Variants in USH2A observed in about 807,000 individuals in gnomAD.
USH2A encodes the protein usherin.
In USH2A, 443 loss-of-function variants were observed where a neutral mutation model predicts 538.9. The observed-to-expected ratio is 0.82, with a 90% CI of 0.76 to 0.89. The LOEUF is 0.89. USH2A is among the 40% of genes least tolerant of loss of function. The pLI, the probability that USH2A is intolerant of heterozygous loss-of-function variation, is 0.00. For missense variants in USH2A, 6,633 were observed against 6,324.8 expected (o/e 1.05, Z -1.65); for synonymous variants, 2,413 against 2,273.5 (o/e 1.06, Z -1.75).
chr1:215,724,531 C>T (rs889786726), intron 61 of USH2A, among the ~76,000 whole-genome samples: 7 of 151,950 alleles, frequency 4.6e-5, no homozygotes, highest in Non-Finnish European at 8.8e-5. Context: ...ATTATTTGTG[C>T]GACGGTTACA....
At chr1:216,412,811 G>A (rs4314947) in intron 3 of USH2A, among the ~76,000 whole-genome samples, 113,327 of 151,084 alleles carry the variant, frequency 0.75, 42,672 homozygotes, top group East Asian at 0.84. Flanking sequence ...GGTCAGAGAA[G>A]CTTGGGACTA....
At chr1:215,982,591 C>A (rs1044370415) in intron 35 of USH2A, among the ~76,000 whole-genome samples, 1 of 152,136 alleles carries the variant, frequency 6.6e-6, no homozygotes, top group African/African-American at 2.4e-5. Flanking sequence ...TGCAAAGAAA[C>A]AAGTATTTAC....
At chr1:216,369,327 C>T (rs1349664088) in intron 3 of USH2A, among the ~76,000 whole-genome samples, 1 of 152,072 alleles carries the variant, frequency 6.6e-6, no homozygotes, top group East Asian at 1.9e-4. Flanking sequence ...CCCACACATC[C>T]CATCCTATTG....
At chr1:216,264,348 A>G (rs988056048) in intron 11 of USH2A, among the ~76,000 whole-genome samples, 2 of 151,852 alleles carry the variant, frequency 1.3e-5, no homozygotes, top group Non-Finnish European at 2.9e-5. Context: ...CCCAGGCTGG[A>G]GTGCAATGGC....
At chr1:215,734,495 C>T (rs1447745568) in intron 60 of USH2A, among the ~76,000 whole-genome samples, 1 of 152,156 alleles carries the variant, frequency 6.6e-6, no homozygotes, top group African/African-American at 2.4e-5. Flanking sequence ...GTGGTCACTC[C>T]ACAGTCTGCT....
At chr1:216,100,753 A>C (rs1465851761) in intron 21 of USH2A, among the ~76,000 whole-genome samples, 1 of 152,222 alleles carries the variant, frequency 6.6e-6, no homozygotes, top group Non-Finnish European at 1.5e-5. Flanking sequence ...AATCTGATGA[A>C]TGAAAATAAA....
intron 11 of USH2A, among the ~76,000 whole-genome samples, chr1:216,261,997 A>G (rs1318422332): frequency 6.6e-6 from 1 of 152,128 alleles, no homozygotes; most frequent in Admixed American, 6.6e-5. Flanking sequence ...CAGAGACTAC[A>G]CTACTGTGCC....
At chr1:216,125,511 T>C (rs1395957758) in intron 21 of USH2A, among the ~76,000 whole-genome samples, 2 of 152,184 alleles carry the variant, frequency 1.3e-5, no homozygotes. Flanking sequence ...CATTGGATAG[T>C]GTGGAAGAGT....
chr1:216,349,667 C>T (rs1166469005), intron 4 of USH2A, among the ~76,000 whole-genome samples: 2 of 152,114 alleles, frequency 1.3e-5, no homozygotes, highest in Admixed American at 1.3e-4. Flanking sequence ...AGGGAGGGAT[C>T]CTCAATTCTG....
At chr1:216,389,961 A>C (rs182500822) in intron 3 of USH2A, among the ~76,000 whole-genome samples, 5 of 152,246 alleles carry the variant, frequency 3.3e-5, no homozygotes, top group Non-Finnish European at 5.9e-5. Context: ...CTGTCAGTAC[A>C]TTTACTAGCT....
At chr1:216,390,091 A>C (rs2102745048) in intron 3 of USH2A, among the ~76,000 whole-genome samples, 1 of 152,314 alleles carries the variant, frequency 6.6e-6, no homozygotes, top group South Asian at 2.1e-4. Flanking sequence ...CTACTTCAGC[A>C]TGAGTTTTTG....
At chr1:216,380,293 G>A (rs2038904062) in intron 3 of USH2A, among the ~76,000 whole-genome samples, 1 of 152,114 alleles carries the variant, frequency 6.6e-6, no homozygotes, top group African/African-American at 2.4e-5. Context: ...TTTCCAAATA[G>A]CTTAAAATAT....
At position 215,836,480 on chromosome 1, in the gene USH2A, AATATATATT is replaced by A. The variant is rs1553267718; in HGVS notation, c.9371+1502_9371+1510del. Among the ~76,000 whole-genome samples the A allele has an allele frequency of 2.4e-4, 2 of 8,446 alleles. 1 individual carries two copies. 5.5% of individuals were successfully genotyped at this position (8,446 alleles called of 152,430 possible). On this transcript the variant is annotated intron_variant, in intron 47 of 71. Transcript: ENST00000307340. ...GTATATATATTATATATATATATAT[AATATATATT>A]ATATATATAATATATATTATATATA...
chr1:216,111,384 CTCCTT>C (rs2032865592), intron 21 of USH2A, among the ~76,000 whole-genome samples: 1 of 152,178 alleles, frequency 6.6e-6, no homozygotes, highest in Non-Finnish European at 1.5e-5. Context: ...AGTTCTCCTT[CTCCTT>C]CGGATACATT....
intron 3 of USH2A, among the ~76,000 whole-genome samples, chr1:216,407,095 T>G (rs1016465077): frequency 1.2e-4 from 18 of 152,036 alleles, no homozygotes; most frequent in South Asian, 4.2e-4. Flanking sequence ...CCTTCCTTCT[T>G]TTCTTGCTCT....
chr1:216,368,898 C>T (rs539073768), intron 3 of USH2A, among the ~76,000 whole-genome samples: 22 of 152,048 alleles, frequency 1.4e-4, no homozygotes, highest in East Asian at 3.9e-4. Context: ...TTTGGAGGGC[C>T]TCATTTAAAG....
chr1:216,407,058 A>C (rs1428614237), intron 3 of USH2A, among the ~76,000 whole-genome samples: 1 of 152,066 alleles, frequency 6.6e-6, no homozygotes, highest in African/African-American at 2.4e-5. Context: ...GCTATGTCAC[A>C]TGACTTCCAT....
intron 49 of USH2A, among the ~76,000 whole-genome samples, chr1:215,802,232 T>C (rs1662357559): frequency 6.6e-6 from 1 of 151,986 alleles, no homozygotes; most frequent in Admixed American, 6.6e-5. Context: ...GCTATGACAC[T>C]GAAAGCAGAA....
intron 41 of USH2A, among the ~76,000 whole-genome samples, chr1:215,880,598 C>T (rs181697062): frequency 2.0e-5 from 3 of 152,136 alleles, no homozygotes; most frequent in South Asian, 2.1e-4. Flanking sequence ...AGATATAGGA[C>T]GCTATTTGTT....
Sources: allele counts gnomAD v4.1 joint callset (sites outside exome capture counted in the v4.1 genomes callset), GRCh38; gene constraint gnomAD v4.1.1; transcripts MANE v1.5; gene names NCBI Gene and HGNC (gene_info 2026-07-23, HGNC 2026-07-21).